Variants in LRRC4C observed in about 807,000 individuals in gnomAD.
LRRC4C encodes the protein leucine-rich repeat-containing protein 4C.
Under a neutral mutation model 33.6 loss-of-function variants are expected in LRRC4C, and 5 were observed. The observed-to-expected ratio is 0.15, with a 90% confidence interval of 0.08 to 0.31. The LOEUF (loss-of-function observed/expected upper bound fraction) is 0.31. Among genes scored for constraint, LRRC4C ranks in the 10% least tolerant of loss-of-function variants. LRRC4C has a pLI of 1.00. For synonymous variants in LRRC4C, 329 were observed against 302.0 expected, an observed-to-expected ratio of 1.09 and a Z score of -0.93; for missense variants, 560 against 796.7, an observed-to-expected ratio of 0.70 and a Z score of 3.58.
chr11:40,708,422 T>C (rs989876178), intron 2 of LRRC4C, among the ~76,000 whole-genome samples: 1 of 152,220 alleles, frequency 6.6e-6, no homozygotes, highest in African/African-American at 2.4e-5. Context: ...GTCTTTGTTC[T>C]CATTGGTTTC....
chr11:40,735,014 C>T (rs1947787815), intron 2 of LRRC4C, among the ~76,000 whole-genome samples: 1 of 152,040 alleles, frequency 6.6e-6, no homozygotes, highest in Admixed American at 6.6e-5. Context: ...GGGAGGCTCT[C>T]CTCATCTTTC....
At chr11:40,856,289 T>C (rs1167091079) in intron 2 of LRRC4C, among the ~76,000 whole-genome samples, 3 of 152,164 alleles carry the variant, frequency 2.0e-5, no homozygotes, top group Non-Finnish European at 4.4e-5. Flanking sequence ...AAGAAAGACA[T>C]TTTGTAGAAA....
chr11:40,706,307 T>G (rs183093128), intron 2 of LRRC4C, among the ~76,000 whole-genome samples: 1 of 152,210 alleles, frequency 6.6e-6, no homozygotes, highest in African/African-American at 2.4e-5. Flanking sequence ...TGAATGGTAT[T>G]GCCTAGGTTT....
chr11:40,239,881 C>T (rs1210096515), intron 5 of LRRC4C, among the ~76,000 whole-genome samples: 1 of 152,162 alleles, frequency 6.6e-6, no homozygotes, highest in African/African-American at 2.4e-5. Flanking sequence ...TCAGTTGACC[C>T]TTAATCTGAA....
chr11:41,247,376 A>T (rs189725440), intron 1 of LRRC4C, among the ~76,000 whole-genome samples: 129 of 152,366 alleles, frequency 8.5e-4, no homozygotes, highest in African/African-American at 2.7e-3. Flanking sequence ...GTGAATTCTC[A>T]TAAACATCTT....
chr11:40,956,421 C>T (rs375475968), intron 1 of LRRC4C, among the ~76,000 whole-genome samples: 2 of 151,666 alleles, frequency 1.3e-5, no homozygotes, highest in African/African-American at 2.4e-5. Flanking sequence ...TTCTGGCAGT[C>T]CTTTTTCATA....
chr11:40,288,138 G>A (rs1209971987), intron 4 of LRRC4C, among the ~76,000 whole-genome samples: 1 of 152,158 alleles, frequency 6.6e-6, no homozygotes. Context: ...AAGCAAACAG[G>A]CTCAGAGAGG....
intron 1 of LRRC4C, among the ~76,000 whole-genome samples, chr11:41,368,854 C>G (rs745772496): frequency 3.3e-5 from 5 of 152,072 alleles, no homozygotes; most frequent in Non-Finnish European, 7.4e-5. Flanking sequence ...CTTTTTTCCC[C>G]GCATCCTAAA....
At chr11:40,829,471 G>T (rs1056804384) in intron 2 of LRRC4C, among the ~76,000 whole-genome samples, 8 of 151,984 alleles carry the variant, frequency 5.3e-5, no homozygotes, top group African/African-American at 1.9e-4. Context: ...GCAATGCAGA[G>T]ATTTTGCTAC....
intron 2 of LRRC4C, among the ~76,000 whole-genome samples, chr11:40,735,071 C>T (rs1035223422): frequency 1.3e-5 from 2 of 152,182 alleles, no homozygotes; most frequent in East Asian, 1.9e-4. Flanking sequence ...GAATACAGGA[C>T]TCAAATCAGT....
At chr11:40,536,564 C>A (rs1214890078) in intron 3 of LRRC4C, among the ~76,000 whole-genome samples, 1 of 152,192 alleles carries the variant, frequency 6.6e-6, no homozygotes, top group African/African-American at 2.4e-5. Context: ...TCTATCCAAT[C>A]AAGCTATATT....
At chr11:41,151,164 G>T (rs533955747) in intron 1 of LRRC4C, among the ~76,000 whole-genome samples, 1 of 152,182 alleles carries the variant, frequency 6.6e-6, no homozygotes, top group African/African-American at 2.4e-5. Context: ...GATTTAATAA[G>T]TTTTTTGCTA....
chr11:40,968,460 T>A (rs1165543425), intron 1 of LRRC4C, among the ~76,000 whole-genome samples: 9 of 152,014 alleles, frequency 5.9e-5, no homozygotes, highest in Non-Finnish European at 1.2e-4. Flanking sequence ...TAGAAAAAAA[T>A]GACTATGTTG....
At chr11:40,757,620 T>A (rs911897768) in intron 2 of LRRC4C, among the ~76,000 whole-genome samples, 1 of 151,534 alleles carries the variant, frequency 6.6e-6, no homozygotes, top group African/African-American at 2.4e-5. Context: ...TTTTTACTAT[T>A]TTTTTCTCAG....
intron 2 of LRRC4C, among the ~76,000 whole-genome samples, chr11:40,912,340 C>A (rs538472538): frequency 1.6e-4 from 25 of 152,284 alleles, no homozygotes; most frequent in African/African-American, 5.5e-4. Flanking sequence ...AGACTAACAG[C>A]TGATCTCTCA....
chr11:40,682,196 G>T (rs1172876792), intron 2 of LRRC4C, among the ~76,000 whole-genome samples: 9 of 151,828 alleles, frequency 5.9e-5, no homozygotes, highest in Admixed American at 2.6e-4. Flanking sequence ...CCTGAGCCTG[G>T]GAAGTTAAGG....
At chr11:40,442,356 C>G (rs919171089) in intron 3 of LRRC4C, among the ~76,000 whole-genome samples, 3 of 151,996 alleles carry the variant, frequency 2.0e-5, no homozygotes, top group African/African-American at 7.3e-5. Flanking sequence ...TATTTATTTA[C>G]TAATTTACAA....
chr11:41,420,106 G>A (rs16935698), intron 1 of LRRC4C, among the ~76,000 whole-genome samples: 9,465 of 151,916 alleles, frequency 0.062, 349 homozygotes, highest in East Asian at 0.13. Flanking sequence ...AGCAGCCTTT[G>A]ATAGTTTTTG....
intron 1 of LRRC4C, among the ~76,000 whole-genome samples, chr11:40,991,204 T>TAAAAAAAAAAAAAAAA (rs1186155913): frequency 9.7e-6 from 1 of 103,340 alleles, no homozygotes; most frequent in Non-Finnish European, 1.9e-5. Context: ...TCCCAATATG[T>TAAAAAAAAAAAAAAAA]AAAAAAAAAA....
Sources: allele counts gnomAD v4.1 joint callset (sites outside exome capture counted in the v4.1 genomes callset), GRCh38; gene constraint gnomAD v4.1.1; transcripts MANE v1.5; gene names NCBI Gene and HGNC (gene_info 2026-07-23, HGNC 2026-07-21).